The following STIM2 variants were observed in gnomAD, a reference collection of about 807,000 sequenced individuals.
The protein encoded by STIM2 is stromal interaction molecule 2.
Under a neutral mutation model 85.8 loss-of-function variants are expected in STIM2, and 31 were observed. The observed-to-expected ratio is 0.36, with a 90% CI of 0.27 to 0.49. The LOEUF (loss-of-function observed/expected upper bound fraction) is 0.49. Ranked by LOEUF, STIM2 falls within the 20% of genes least tolerant of loss-of-function variation. The pLI, the probability that STIM2 is intolerant of heterozygous loss-of-function variation, is 0.98. For synonymous variants in STIM2, 356 were observed against 331.1 expected, an observed-to-expected ratio of 1.08 and a Z score of -0.82; for missense variants, 841 against 927.6, an observed-to-expected ratio of 0.91 and a Z score of 1.21.
intron 3 of STIM2, among the ~76,000 whole-genome samples, chr4:26,993,936 G>T (rs977736885): frequency 6.6e-6 from 1 of 152,042 alleles, no homozygotes. Context: ...AATTATGTTA[G>T]AACCTCGTAA....
chr4:27,022,276 T>C (rs1019701207), intron 11 of STIM2, among the ~76,000 whole-genome samples: 2 of 152,186 alleles, frequency 1.3e-5, no homozygotes, highest in African/African-American at 2.4e-5. Flanking sequence ...GTGTACCTTA[T>C]ATTGTCTGTA....
In STIM2 at chr4:26,861,208, G is replaced by A; in HGVS notation, c.-11G>A. On this transcript the variant is annotated 5_prime_UTR_variant, in exon 1 of 12. Coordinates refer to ENST00000467087, the MANE Select transcript of STIM2 (RefSeq NM_020860.4). ...TGGGGCTGGCTGCTGCGGCGGCGGC[G>A]CTGGGCTGCGTTGCTGGTGCTCGGG... The A allele has an allele frequency of 2.0e-6, 3 of 1,468,720 alleles. No individual in the cohort carries two copies. Among genetic ancestry groups the A allele is most frequent in the South Asian group, 1.3e-5 (1 of 77,350 alleles). The allele number at this position is 1,468,720 out of a possible 1,614,324, so 91.0% of individuals were successfully genotyped here. A position where few individuals can be genotyped will look rare whatever the true frequency, so the allele number is the denominator to read the frequency against.
chr4:27,007,440 CT>C (rs74272718), intron 7 of STIM2, 92 bp from the exon 8 acceptor site: 160,165 of 662,220 alleles, frequency 0.24, no homozygotes, highest in East Asian at 0.3. Context: ...ATTAAAATAG[CT>C]TTTTTTTTTT....
chr4:27,001,978 A>G (rs1728171755), intron 5 of STIM2, among the ~76,000 whole-genome samples: 1 of 152,172 alleles, frequency 6.6e-6, no homozygotes, highest in African/African-American at 2.4e-5. Context: ...TCCCACCAGC[A>G]GGGGCGTGGT....
At chr4:27,005,658 C>A (rs933977928) in intron 7 of STIM2, among the ~76,000 whole-genome samples, 33 of 152,246 alleles carry the variant, frequency 2.2e-4, no homozygotes, top group Non-Finnish European at 2.8e-4. Flanking sequence ...ATGAAACATT[C>A]ATGAGTAATA....
intron 1 of STIM2, among the ~76,000 whole-genome samples, chr4:26,865,208 G>A (rs575007929): frequency 5.3e-5 from 8 of 152,118 alleles, no homozygotes; most frequent in Admixed American, 4.6e-4. Context: ...TATTATTGTT[G>A]CTAACTACAG....
At chr4:26,862,854 G>T (rs1370898315) in intron 1 of STIM2, among the ~76,000 whole-genome samples, 1 of 152,182 alleles carries the variant, frequency 6.6e-6, no homozygotes, top group African/African-American at 2.4e-5. Context: ...TGATTATTAG[G>T]AAAGTTGATA....
intron 1 of STIM2, among the ~76,000 whole-genome samples, chr4:26,872,274 A>G (rs1722649638): frequency 6.6e-6 from 1 of 152,210 alleles, no homozygotes; most frequent in African/African-American, 2.4e-5. Flanking sequence ...GAAGCTAAGT[A>G]TAGACAGTGA....
intron 1 of STIM2, among the ~76,000 whole-genome samples, chr4:26,902,378 A>G (rs1723955441): frequency 6.6e-6 from 1 of 152,186 alleles, no homozygotes; most frequent in African/African-American, 2.4e-5. Flanking sequence ...TAGTCTTGTG[A>G]TTACCTTCAA....
At chr4:26,962,224 A>G (rs186284636) in intron 3 of STIM2, among the ~76,000 whole-genome samples, 6 of 152,382 alleles carry the variant, frequency 3.9e-5, no homozygotes, top group Admixed American at 2.0e-4. Context: ...CTTGTGTGAC[A>G]TAAATCAGTA....
At chr4:26,870,226 T>A (rs774305295) in intron 1 of STIM2, among the ~76,000 whole-genome samples, 10 of 151,870 alleles carry the variant, frequency 6.6e-5, no homozygotes, top group Non-Finnish European at 1.3e-4. Context: ...ACAGTGTGAC[T>A]GTAGTTAATA....
rs1728445257 is a variant in STIM2, at chr4:27,008,468, C to G, written c.1190C>G (p.Thr397Ser). The G allele has an allele frequency of 6.2e-7, 1 of 1,604,244 alleles. No homozygotes were observed. Among genetic ancestry groups the G allele is most frequent in the Non-Finnish European group, 8.5e-7 (1 of 1,175,844 alleles). ...AAGAAGAGAAGCACAGTCTTTGGGA[C>G]TCTGCACGTTGCACACAGCTCCTCC... The change falls in exon 9 of 12, where the codon ACT becomes AGT. Residue 397 changes from threonine to serine, a missense_variant. Transcript: ENST00000467087.
At chr4:26,937,315 G>A (rs762596247) in intron 2 of STIM2, among the ~76,000 whole-genome samples, 8 of 152,124 alleles carry the variant, frequency 5.3e-5, no homozygotes, top group Non-Finnish European at 1.2e-4. Flanking sequence ...GTGGGAGTAG[G>A]GTTGTGAATT....
chr4:26,872,176 A>G (rs1183077226), intron 1 of STIM2, among the ~76,000 whole-genome samples: 1 of 152,238 alleles, frequency 6.6e-6, no homozygotes, highest in Non-Finnish European at 1.5e-5. Flanking sequence ...CATTTAAAAA[A>G]GTATGAAGAC....
At chr4:26,927,837 A>G (rs1186371913) in intron 2 of STIM2, among the ~76,000 whole-genome samples, 2 of 135,868 alleles carry the variant, frequency 1.5e-5, no homozygotes, top group East Asian at 3.9e-4. Context: ...GTAATTATAT[A>G]AATTATATAT....
At chr4:26,890,162 T>C (rs2109043958) in intron 1 of STIM2, among the ~76,000 whole-genome samples, 1 of 152,296 alleles carries the variant, frequency 6.6e-6, no homozygotes, top group South Asian at 2.1e-4. Flanking sequence ...TGATGGTTTG[T>C]GCATATTGTC....
chr4:26,897,856 T>C (rs1723769235), intron 1 of STIM2, among the ~76,000 whole-genome samples: 1 of 152,090 alleles, frequency 6.6e-6, no homozygotes. Flanking sequence ...GCCTTGACCT[T>C]CTGGGGTCAA....
At chr4:27,006,420 A>C (rs983068439) in intron 7 of STIM2, among the ~76,000 whole-genome samples, 5 of 152,108 alleles carry the variant, frequency 3.3e-5, no homozygotes, top group Non-Finnish European at 7.4e-5. Flanking sequence ...CAGTGTCCTT[A>C]GTTAGCTTTG....
At chr4:26,933,103 T>A (rs1466448555) in intron 2 of STIM2, among the ~76,000 whole-genome samples, 1 of 151,798 alleles carries the variant, frequency 6.6e-6, no homozygotes, top group Non-Finnish European at 1.5e-5. Flanking sequence ...AAGAGGTCTC[T>A]GTACCCCGGA....
Sources: gnomAD v4.1 joint callset for allele counts (sites outside exome capture counted in the v4.1 genomes callset) on GRCh38, gnomAD v4.1.1 for gene constraint, MANE v1.5 for transcripts, NCBI Gene and HGNC (gene_info 2026-07-23, HGNC 2026-07-21) for gene names.